IL1RAPL1: variants seen among roughly 807,000 people sequenced by gnomAD.
The protein encoded by IL1RAPL1 is interleukin 1 receptor accessory protein like 1.
Under a neutral mutation model 48.4 loss-of-function variants are expected in IL1RAPL1, and 3 were observed. That is an observed-to-expected ratio of 0.06 (90% confidence interval 0.03 to 0.16). The LOEUF (loss-of-function observed/expected upper bound fraction) is 0.16. Among genes scored for constraint, IL1RAPL1 ranks in the 10% least tolerant of loss-of-function variants. The pLI is 1.00. For missense variants in IL1RAPL1, 349 were observed against 530.6 expected (o/e 0.66, Z 3.36); for synonymous variants, 185 against 187.7 (o/e 0.99, Z 0.12).
At chrX:29,412,282 A>G (rs1934154105) in intron 5 of IL1RAPL1, among the ~76,000 whole-genome samples, 1 of 101,106 alleles carries the variant, frequency 9.9e-6, no homozygotes, top group Admixed American at 1.2e-4. Context: ...AAAAAAGAAA[A>G]AAAAAATTCT....
At chrX:29,678,725 T>C (rs967408035) in intron 6 of IL1RAPL1, among the ~76,000 whole-genome samples, 4 of 111,518 alleles carry the variant, frequency 3.6e-5, no homozygotes, top group African/African-American at 1.3e-4. Flanking sequence ...TAAAAATTTA[T>C]AAAATCTCAT....
chrX:28,808,969 C>CT (rs141376742), intron 2 of IL1RAPL1, among the ~76,000 whole-genome samples: 29 of 110,189 alleles, frequency 2.6e-4, no homozygotes, highest in Non-Finnish European at 5.2e-4. Flanking sequence ...TAAGAGGTGT[C>CT]TTTTTTTAAA....
At chrX:29,164,369 A>C (rs1275810451) in intron 2 of IL1RAPL1, among the ~76,000 whole-genome samples, 8 of 112,244 alleles carry the variant, frequency 7.1e-5, no homozygotes, top group African/African-American at 2.6e-4. Flanking sequence ...AAATGATCCC[A>C]GAACCAAGCA....
rs139255148 is a variant in IL1RAPL1, at chrX:29,003,253, G to A, written c.82+213828G>A. On this transcript the variant is annotated intron_variant, in intron 2 of 10. Transcript: ENST00000378993. Reference sequence around the variant, plus strand: ...GGTGGAGCTACAGTTGGAAAGGTAGGTAGGGGTCGTATCATCTAGCCCGAT... The same window carrying A: ...GGTGGAGCTACAGTTGGAAAGGTAGATAGGGGTCGTATCATCTAGCCCGAT... Among the ~76,000 whole-genome samples, 10 of 111,316 alleles carry A rather than the reference G, an allele frequency of 9.0e-5. No homozygotes were observed. In the East Asian group the frequency reaches 2.8e-3, roughly 31 times the overall value.
chrX:28,623,651 C>A (rs746182980), intron 1 of IL1RAPL1, among the ~76,000 whole-genome samples: 18 of 111,843 alleles, frequency 1.6e-4, no homozygotes, highest in Non-Finnish European at 2.6e-4. Flanking sequence ...TTTATTCTTT[C>A]CTTCATAAGT....
chrX:29,539,469 A>T (rs1348416796), intron 5 of IL1RAPL1, among the ~76,000 whole-genome samples: 1 of 111,359 alleles, frequency 9.0e-6, no homozygotes, highest in East Asian at 2.8e-4. Flanking sequence ...GAACAAGACA[A>T]GGATGCCCCC....
intron 6 of IL1RAPL1, among the ~76,000 whole-genome samples, chrX:29,785,026 G>T (rs1349136989): frequency 1.8e-5 from 2 of 112,059 alleles, no homozygotes; most frequent in Non-Finnish European, 3.8e-5. Context: ...AGGATAATAA[G>T]TTCCTGCATT....
At chrX:29,086,246 A>G (rs1229871940) in intron 2 of IL1RAPL1, among the ~76,000 whole-genome samples, 1 of 112,240 alleles carries the variant, frequency 8.9e-6, no homozygotes, top group African/African-American at 3.2e-5. Flanking sequence ...GAGCATCCCT[A>G]CGTTTAGTCT....
chrX:29,518,788 C>G (rs1371631940), intron 5 of IL1RAPL1, among the ~76,000 whole-genome samples: 1 of 111,704 alleles, frequency 9.0e-6, no homozygotes, highest in Non-Finnish European at 1.9e-5. Context: ...GAATTCGGAG[C>G]AGGGAGGTGA....
At chrX:29,798,939 A>C (rs1239174084) in intron 6 of IL1RAPL1, among the ~76,000 whole-genome samples, 5 of 112,429 alleles carry the variant, frequency 4.4e-5, no homozygotes, top group Non-Finnish European at 9.4e-5. Flanking sequence ...TTCTACTTTA[A>C]TATTGATTCC....
chrX:29,638,945 G>A lies in IL1RAPL1; in HGVS notation c.704-29485G>A, dbSNP rs962533925. On this transcript the variant is annotated intron_variant, in intron 5 of 10. Coordinates refer to ENST00000378993, the MANE Select transcript of IL1RAPL1 (RefSeq NM_014271.4). The stretch of plus-strand genomic sequence containing the variant: ...CTCACGCCTGTAATCCCAGCACTTT[G>A]GGAGGCTGAGACGGGTAGATCACAA... Among the ~76,000 whole-genome samples the A allele has an allele frequency of 2.7e-5, 3 of 111,963 alleles. No homozygotes were observed. In the Admixed American group the frequency reaches 2.8e-4, roughly 11 times the overall value.
chrX:29,320,012 A>T (rs1281764312), intron 3 of IL1RAPL1, among the ~76,000 whole-genome samples: 1 of 112,252 alleles, frequency 8.9e-6, no homozygotes, highest in Non-Finnish European at 1.9e-5. Context: ...ACGGGAGACA[A>T]CAGGGGAGTC....
chrX:28,621,459 C>T (rs957079099), intron 1 of IL1RAPL1, among the ~76,000 whole-genome samples: 5 of 111,998 alleles, frequency 4.5e-5, no homozygotes, highest in African/African-American at 9.7e-5. Flanking sequence ...TGGCAATGCA[C>T]CTTCCTCTTT....
chrX:28,876,414 G>A (rs1922373982), intron 2 of IL1RAPL1, among the ~76,000 whole-genome samples: 1 of 112,185 alleles, frequency 8.9e-6, no homozygotes, highest in Non-Finnish European at 1.9e-5. Flanking sequence ...ATTCTTTCAT[G>A]TGGCTGGGAG....
chrX:29,515,670 T>G (rs1935437777), intron 5 of IL1RAPL1, among the ~76,000 whole-genome samples: 1 of 111,807 alleles, frequency 8.9e-6, no homozygotes, highest in Admixed American at 9.5e-5. Flanking sequence ...TTGTTTCCAA[T>G]TTTTGAGTGT....
intron 2 of IL1RAPL1, among the ~76,000 whole-genome samples, chrX:28,809,934 G>A (rs1936773896): frequency 9.3e-6 from 1 of 107,670 alleles, no homozygotes; most frequent in Non-Finnish European, 1.9e-5. Flanking sequence ...AACAGGACTT[G>A]ATGGCATACT....
At chrX:29,063,410 C>A (rs6628406) in intron 2 of IL1RAPL1, among the ~76,000 whole-genome samples, 1 of 110,884 alleles carries the variant, frequency 9.0e-6, no homozygotes, top group Non-Finnish European at 1.9e-5. Context: ...ACTCTTCTCT[C>A]AACACTTCTG....
intron 2 of IL1RAPL1, among the ~76,000 whole-genome samples, chrX:29,235,068 A>G (rs1931266276): frequency 8.9e-6 from 1 of 111,786 alleles, no homozygotes; most frequent in South Asian, 3.8e-4. Context: ...CTGCTAAATG[A>G]CCTTGAGCAA....
chrX:29,285,147 A>G (rs962811889), intron 3 of IL1RAPL1, among the ~76,000 whole-genome samples: 1 of 111,484 alleles, frequency 9.0e-6, no homozygotes, highest in African/African-American at 3.3e-5. Context: ...TGTTCACATT[A>G]GTAATCTGAA....
Sources: allele counts gnomAD v4.1 joint callset (sites outside exome capture counted in the v4.1 genomes callset), GRCh38; gene constraint gnomAD v4.1.1; transcripts MANE v1.5; gene names NCBI Gene and HGNC (gene_info 2026-07-23, HGNC 2026-07-21).